The following ZNF503 variants were observed in gnomAD, a reference collection of about 807,000 sequenced individuals.
ZNF503 encodes zinc finger protein 503.
ZNF503 carries 15 observed loss-of-function variants against 34.4 expected under a neutral mutation model. The observed-to-expected ratio is 0.44, with a 90% CI of 0.29 to 0.67. ZNF503 has a LOEUF of 0.67. Ranked by LOEUF, ZNF503 falls within the 30% of genes least tolerant of loss-of-function variation. The pLI, the probability that ZNF503 is intolerant of heterozygous loss-of-function variation, is 0.13. For missense variants in ZNF503, 1,007 were observed against 926.8 expected (o/e 1.09, Z -1.12); for synonymous variants, 580 against 456.8 (o/e 1.27, Z -3.44).
chr10:75,363,347 TTG>T, the ZNF503 span, among the ~76,000 whole-genome samples: 3 of 151,344 alleles, frequency 2.0e-5, no homozygotes, highest in African/African-American at 7.4e-5. Context: ...GAATGTCCTC[TTG>T]TGAGTTGTTG....
the ZNF503 span, among the ~76,000 whole-genome samples, chr10:75,284,386 T>TG: frequency 2.3e-4 from 9 of 38,340 alleles, no homozygotes; most frequent in Admixed American, 1.6e-3. Context: ...GAGGGGGCGT[T>TG]GGTGGGGAGG....
chr10:75,398,052 G>C lies in ZNF503; in HGVS notation c.*697C>G, dbSNP rs558740890. 3.3e-5 allele frequency: 5 copies of C among 150,240 alleles called. No homozygotes were observed. The highest frequency in any genetic ancestry group is 1.2e-4 in the African/African-American group (5 of 40,656). The allele number at this position is 150,240 out of a possible 1,614,324, so 9.3% of individuals were successfully genotyped here. A position where few individuals can be genotyped will look rare whatever the true frequency, so the allele number is the denominator to read the frequency against. ...TTTTTTTTTTTGTTGTTTTCTTCCAGAATACATACAAAAAAATACCCATTC... is the reference window on the plus strand; with the variant it reads ...TTTTTTTTTTTGTTGTTTTCTTCCACAATACATACAAAAAAATACCCATTC... On this transcript the variant is annotated 3_prime_UTR_variant, in exon 2 of 2. Transcript: ENST00000372524.
chr10:75,358,086 G>T, the ZNF503 span, among the ~76,000 whole-genome samples: 1 of 152,134 alleles, frequency 6.6e-6, no homozygotes, highest in African/African-American at 2.4e-5. Context: ...TCCTGCCCAG[G>T]GAAGAGGGAG....
the ZNF503 span, among the ~76,000 whole-genome samples, chr10:75,329,092 T>A: frequency 2.6e-5 from 4 of 152,124 alleles, no homozygotes; most frequent in Non-Finnish European, 4.4e-5. Context: ...TTCATCAGTG[T>A]TTTATAGTAA....
At chr10:75,326,534 A>C in the ZNF503 span, among the ~76,000 whole-genome samples, 1 of 152,130 alleles carries the variant, frequency 6.6e-6, no homozygotes, top group Non-Finnish European at 1.5e-5. Context: ...AGGACTTTCC[A>C]GATATCTTTC....
downstream of ZNF503, among the ~76,000 whole-genome samples, chr10:75,393,002 G>A (rs1290899133): frequency 6.6e-6 from 1 of 152,220 alleles, no homozygotes; most frequent in African/African-American, 2.4e-5. Flanking sequence ...AGATAGGTTA[G>A]ACTGAACCTA....
chr10:75,381,636 T>G, the ZNF503 span, among the ~76,000 whole-genome samples: 10 of 151,912 alleles, frequency 6.6e-5, no homozygotes, highest in Non-Finnish European at 1.3e-4. Context: ...GTGAAGAGGA[T>G]AGTGGAGCAA....
At chr10:75,339,088 G>A in the ZNF503 span, among the ~76,000 whole-genome samples, 2 of 152,048 alleles carry the variant, frequency 1.3e-5, no homozygotes, top group Admixed American at 6.6e-5. Flanking sequence ...AAAATTAGCC[G>A]GACATTATGG....
At chr10:75,366,274 G>T in the ZNF503 span, among the ~76,000 whole-genome samples, 1 of 152,194 alleles carries the variant, frequency 6.6e-6, no homozygotes, top group East Asian at 1.9e-4. Context: ...ATCCACATCT[G>T]GATGCCAGGG....
the ZNF503 span, among the ~76,000 whole-genome samples, chr10:75,322,092 C>A: frequency 6.6e-6 from 1 of 150,718 alleles, no homozygotes; most frequent in East Asian, 1.9e-4. Context: ...CCTTGGAATA[C>A]TTTTGGAATA....
At chr10:75,354,517 A>G in the ZNF503 span, among the ~76,000 whole-genome samples, 3 of 151,998 alleles carry the variant, frequency 2.0e-5, no homozygotes, top group African/African-American at 7.3e-5. Context: ...GTCCAAGACC[A>G]GCCCGCACAG....
the ZNF503 span, chr10:75,361,455 T>C: frequency 6.6e-6 from 1 of 152,240 alleles, no homozygotes; most frequent in African/African-American, 2.4e-5. Context: ...CCAATGTGAA[T>C]TGAACACCTA....
At chr10:75,354,681 G>A in the ZNF503 span, among the ~76,000 whole-genome samples, 1 of 152,182 alleles carries the variant, frequency 6.6e-6, no homozygotes, top group Non-Finnish European at 1.5e-5. Flanking sequence ...GTGCACTCCA[G>A]TCTGGGAGAC....
In ZNF503 at chr10:75,401,485, C is replaced by T. The variant is rs1311915170; in HGVS notation, c.-66G>A. 3 of 1,477,160 alleles carry T rather than the reference C, an allele frequency of 2.0e-6. No individual in the cohort carries two copies. Among genetic ancestry groups the T allele is most frequent in the East Asian group, 2.8e-5 (1 of 35,496 alleles). The allele number at this position is 1,477,160 out of a possible 1,614,324, so 91.5% of individuals were successfully genotyped here. A position where few individuals can be genotyped will look rare whatever the true frequency, so the allele number is the denominator to read the frequency against. On this transcript the variant is annotated 5_prime_UTR_variant, in exon 1 of 2. Coordinates refer to ENST00000372524, the MANE Select transcript of ZNF503 (RefSeq NM_032772.6). ...CGGGAGGCGCGGGGCGGGCTCGGGG[C>T]TGCGCGCTCGCCCCGGGAGCAGGAG...
At chr10:75,352,432 A>T in the ZNF503 span, among the ~76,000 whole-genome samples, 1 of 146,046 alleles carries the variant, frequency 6.8e-6, no homozygotes, top group African/African-American at 2.5e-5. Flanking sequence ...ACCTCGCCTG[A>T]TGAGGGAGAC....
chr10:75,316,274 C>T, the ZNF503 span, among the ~76,000 whole-genome samples: 1 of 152,152 alleles, frequency 6.6e-6, no homozygotes, highest in Non-Finnish European at 1.5e-5. Context: ...CATACACATT[C>T]TTCTCAAGTG....
the ZNF503 span, among the ~76,000 whole-genome samples, chr10:75,388,888 A>C: frequency 6.6e-6 from 1 of 152,226 alleles, no homozygotes; most frequent in African/African-American, 2.4e-5. Context: ...TTCAAGGTCA[A>C]GGATTTAAAA....
the ZNF503 span, among the ~76,000 whole-genome samples, chr10:75,377,217 A>G: frequency 6.6e-6 from 1 of 152,200 alleles, no homozygotes; most frequent in African/African-American, 2.4e-5. Flanking sequence ...GCAGCTCCAG[A>G]GAAGGGCCTT....
chr10:75,401,542 C>A lies in ZNF503; in HGVS notation c.-123G>T. On this transcript the variant is annotated 5_prime_UTR_variant, in exon 1 of 2. Transcript: ENST00000372524. Reference sequence around the variant, plus strand: ...GAGGAGGAGGAGCTGGCGCGGCGGCCACGGGCGCCCAGCGCGCCTTCTCGG... The same window carrying A: ...GAGGAGGAGGAGCTGGCGCGGCGGCAACGGGCGCCCAGCGCGCCTTCTCGG... 1 of 1,240,494 alleles carries A rather than the reference C, an allele frequency of 8.1e-7. No individual in the cohort carries two copies. The highest frequency in any genetic ancestry group is 1.1e-6 in the Non-Finnish European group (1 of 908,736). The allele number at this position is 1,240,494 out of a possible 1,614,324, so 76.8% of individuals were successfully genotyped here.
Sources: gnomAD v4.1 joint callset for allele counts (sites outside exome capture counted in the v4.1 genomes callset) on GRCh38, gnomAD v4.1.1 for gene constraint, MANE v1.5 for transcripts, NCBI Gene and HGNC (gene_info 2026-07-23, HGNC 2026-07-21) for gene names.